BTRC: variants seen among roughly 807,000 people sequenced by gnomAD.
The protein encoded by BTRC is F-box/WD repeat-containing protein 1A.
A neutral mutation model predicts 85.5 loss-of-function variants in BTRC; 42 were observed. The ratio of observed to expected loss-of-function variants is 0.49; its 90% CI spans 0.38 to 0.64. BTRC has a LOEUF of 0.64. BTRC is among the 30% of genes least tolerant of loss of function. The pLI, the probability that BTRC is intolerant of heterozygous loss-of-function variation, is 0.00. For synonymous variants in BTRC, 255 were observed against 263.3 expected, an observed-to-expected ratio of 0.97 and a Z score of 0.30; for missense variants, 594 against 743.5, an observed-to-expected ratio of 0.80 and a Z score of 2.34.
Position 101,504,945 on chromosome 10 carries a change from T to A in BTRC, c.325-16694T>A, listed in dbSNP as rs906673299. On this transcript the variant is annotated intron_variant, in intron 4 of 14. Coordinates refer to ENST00000370187, the MANE Select transcript of BTRC (RefSeq NM_033637.4). ...ATTTGACTAATAAATTTTAAAAAAATTTTGTTTTCTTTTTGAGATGAAGTC... is the reference window on the plus strand; with the variant it reads ...ATTTGACTAATAAATTTTAAAAAAAATTTGTTTTCTTTTTGAGATGAAGTC... Among the ~76,000 whole-genome samples the A allele has an allele frequency of 3.3e-5, 5 of 151,116 alleles. No homozygotes were observed. The South Asian group carries it at 6.3e-4, about 19-fold the overall frequency.
rs575132800 is a variant in BTRC at position 101,356,241 on chromosome 10, C to T, written c.48+2013C>T. 1.1e-4 allele frequency among the ~76,000 whole-genome samples: 16 copies of T among 152,268 alleles called. No individual in the cohort carries two copies. In the South Asian group the frequency reaches 2.5e-3, roughly 24 times the overall value. ...GGTCTCATCTCCTGACCTCGTGATC[C>T]GCCCACCTTGGCCTCCCAAAGTGCT... On this transcript the variant is annotated intron_variant, in intron 1 of 14. Coordinates refer to ENST00000370187, the MANE Select transcript of BTRC (RefSeq NM_033637.4).
chr10:101,529,070 G>C (rs2062243295), intron 6 of BTRC, among the ~76,000 whole-genome samples: 1 of 152,142 alleles, frequency 6.6e-6, no homozygotes, highest in Admixed American at 6.6e-5. Flanking sequence ...TTAATCAGCA[G>C]ATCACATTTT....
intron 2 of BTRC, among the ~76,000 whole-genome samples, chr10:101,436,940 C>T (rs978975088): frequency 3.3e-5 from 5 of 152,058 alleles, no homozygotes; most frequent in African/African-American, 7.2e-5. Context: ...CTTAATTTTA[C>T]ATTTGAGATT....
intron 6 of BTRC, among the ~76,000 whole-genome samples, chr10:101,530,350 C>G (rs929197400): frequency 2.6e-5 from 4 of 152,082 alleles, no homozygotes; most frequent in African/African-American, 9.7e-5. Context: ...CCTTTCAAAG[C>G]ATAGTTGCAC....
intron 4 of BTRC, among the ~76,000 whole-genome samples, chr10:101,499,014 T>A (rs567452943): frequency 4.0e-5 from 6 of 151,272 alleles, no homozygotes; most frequent in South Asian, 4.2e-4. Context: ...CAGAAAAAAA[T>A]AATAATAATA....
At position 101,496,892 on chromosome 10, in the gene BTRC, T is replaced by G. The variant is rs553656960; in HGVS notation, c.324+17435T>G. ...TATTTCTCCTAAACTGTGACTTGCCTTTTCACTTTTTAAATGATGTCTGTG... is the reference window on the plus strand; with the variant it reads ...TATTTCTCCTAAACTGTGACTTGCCGTTTCACTTTTTAAATGATGTCTGTG... On this transcript the variant is annotated intron_variant, in intron 4 of 14. Transcript: ENST00000370187. Among the ~76,000 whole-genome samples the G allele has an allele frequency of 2.6e-5, 4 of 152,328 alleles. No individual in the cohort carries two copies. In the South Asian group the frequency reaches 8.3e-4, roughly 32 times the overall value.
At chr10:101,472,272 T>C (rs375890859) in intron 3 of BTRC, among the ~76,000 whole-genome samples, 4 of 49,036 alleles carry the variant, frequency 8.2e-5, no homozygotes, top group Non-Finnish European at 2.7e-4. Context: ...TTCTTTTCTT[T>C]TCCTCTCTTC....
chr10:101,545,399 A>G (rs1008024416), intron 13 of BTRC, among the ~76,000 whole-genome samples: 3 of 152,266 alleles, frequency 2.0e-5, no homozygotes, highest in African/African-American at 7.2e-5. Context: ...TTAGCGAAAG[A>G]TATAACACAT....
chr10:101,464,130 C>T (rs974365566), intron 3 of BTRC, among the ~76,000 whole-genome samples: 3 of 152,128 alleles, frequency 2.0e-5, no homozygotes, highest in Non-Finnish European at 4.4e-5. Flanking sequence ...TGTCGGAAAA[C>T]AATGACACAA....
At chr10:101,432,277 G>A (rs1564769028) in intron 2 of BTRC, among the ~76,000 whole-genome samples, 2 of 151,662 alleles carry the variant, frequency 1.3e-5, no homozygotes, top group Non-Finnish European at 2.9e-5. Context: ...ACAGGCACAC[G>A]ACCACACTTG....
At chr10:101,407,616 C>T (rs1165671877) in intron 1 of BTRC, among the ~76,000 whole-genome samples, 1 of 152,166 alleles carries the variant, frequency 6.6e-6, no homozygotes, top group Non-Finnish European at 1.5e-5. Context: ...GTCTTGAACT[C>T]CCGAGCTCAG....
chr10:101,434,122 G>A (rs940694431), intron 2 of BTRC, among the ~76,000 whole-genome samples: 1 of 152,100 alleles, frequency 6.6e-6, no homozygotes, highest in Non-Finnish European at 1.5e-5. Flanking sequence ...AAAGACAGCT[G>A]GATTCTCATG....
At chr10:101,447,757 A>G (rs1564778774) in intron 2 of BTRC, among the ~76,000 whole-genome samples, 1 of 152,172 alleles carries the variant, frequency 6.6e-6, no homozygotes, top group Non-Finnish European at 1.5e-5. Flanking sequence ...AGATTTTAAA[A>G]TATCATTCAT....
At chr10:101,405,270 G>A (rs1414798804) in intron 1 of BTRC, among the ~76,000 whole-genome samples, 2 of 151,942 alleles carry the variant, frequency 1.3e-5, no homozygotes, top group Non-Finnish European at 2.9e-5. Context: ...AAAAAGCAAT[G>A]AGGTTTTGTC....
chr10:101,498,053 T>G (rs542284700), intron 4 of BTRC, among the ~76,000 whole-genome samples: 1 of 152,196 alleles, frequency 6.6e-6, no homozygotes, highest in East Asian at 1.9e-4. Context: ...GAGATATATA[T>G]TGACATATAC....
chr10:101,468,749 G>A (rs1443974842), intron 3 of BTRC, among the ~76,000 whole-genome samples: 1 of 152,146 alleles, frequency 6.6e-6, no homozygotes, highest in Admixed American at 6.5e-5. Flanking sequence ...TTTTTGCAAG[G>A]TTAAAACAAT....
chr10:101,413,148 G>A (rs1436432992), intron 1 of BTRC, among the ~76,000 whole-genome samples: 1 of 151,904 alleles, frequency 6.6e-6, no homozygotes, highest in Non-Finnish European at 1.5e-5. Flanking sequence ...TTTTTGAGAT[G>A]GAGTCTTGCT....
intron 13 of BTRC, among the ~76,000 whole-genome samples, chr10:101,546,112 T>A (rs982462640): frequency 2.0e-5 from 3 of 152,180 alleles, no homozygotes. Context: ...AGCAGTACCA[T>A]CAATCAAGTG....
At chr10:101,522,387 A>AAAC (rs1564823760) in intron 5 of BTRC, among the ~76,000 whole-genome samples, 7 of 137,620 alleles carry the variant, frequency 5.1e-5, no homozygotes, top group African/African-American at 1.6e-4. Context: ...CAAAAAAAAA[A>AAAC]AAACTCTAGA....
Sources: allele counts gnomAD v4.1 joint callset (sites outside exome capture counted in the v4.1 genomes callset), GRCh38; gene constraint gnomAD v4.1.1; transcripts MANE v1.5; gene names NCBI Gene and HGNC (gene_info 2026-07-23, HGNC 2026-07-21).